The following PRKN variants were observed in gnomAD, a reference collection of about 807,000 sequenced individuals.
The protein encoded by PRKN is parkin RBR E3 ubiquitin protein ligase.
A neutral mutation model predicts 59.5 loss-of-function variants in PRKN; 56 were observed. That is an observed-to-expected ratio of 0.94 (90% CI 0.76 to 1.18). The LOEUF (loss-of-function observed/expected upper bound fraction) is 1.18, where lower values mean the gene tolerates loss of function less well. Among genes scored for constraint, PRKN ranks in the 50% most tolerant of loss-of-function variants. PRKN has a pLI of 0.00. For missense variants in PRKN, 657 were observed against 596.4 expected, an observed-to-expected ratio of 1.10 and a Z score of -1.06; for synonymous variants, 250 against 222.1, an observed-to-expected ratio of 1.13 and a Z score of -1.12.
intron 7 of PRKN, among the ~76,000 whole-genome samples, chr6:161,598,691 T>C (rs971701657): frequency 6.6e-6 from 1 of 152,366 alleles, no homozygotes; most frequent in South Asian, 2.1e-4. Flanking sequence ...AAGCATAAGA[T>C]ACAGGATATT....
chr6:161,888,228 AT>A (rs34091665), intron 6 of PRKN, among the ~76,000 whole-genome samples: 2 of 152,050 alleles, frequency 1.3e-5, no homozygotes, highest in Non-Finnish European at 2.9e-5. Flanking sequence ...TGGGGGTATT[AT>A]TTTTGCTCAT....
chr6:162,301,783 CGGGGG>C (rs369993772), intron 2 of PRKN, among the ~76,000 whole-genome samples: 1 of 21,800 alleles, frequency 4.6e-5, no homozygotes, highest in African/African-American at 2.2e-4. Flanking sequence ...TTGGCCGGGG[CGGGGG>C]GGGGGTGCAG....
intron 2 of PRKN, among the ~76,000 whole-genome samples, chr6:162,329,915 G>A (rs1402747916): frequency 3.9e-5 from 6 of 152,010 alleles, no homozygotes; most frequent in South Asian, 2.1e-4. Flanking sequence ...TCATCTTGTC[G>A]GCCTATCAGA....
At chr6:161,704,359 C>A (rs1191849475) in intron 7 of PRKN, among the ~76,000 whole-genome samples, 1 of 152,106 alleles carries the variant, frequency 6.6e-6, no homozygotes, top group Admixed American at 6.5e-5. Context: ...GCTAACTAAC[C>A]TAATTTCCCC....
chr6:162,695,881 C>T (rs1339459164), intron 1 of PRKN, among the ~76,000 whole-genome samples: 3 of 152,136 alleles, frequency 2.0e-5, no homozygotes, highest in African/African-American at 4.8e-5. Context: ...GTTTGGAGTC[C>T]GAGAAGCTAG....
rs1467161410 is a variant in PRKN at position 161,460,122 on chromosome 6, A to G, written c.1084-73245T>C. On this transcript the variant is annotated intron_variant, in intron 9 of 11. Transcript: ENST00000366898. The surrounding 1 kb of genome is among the most constrained non-coding windows in gnomAD (Gnocchi z 5.0). ...TACGAACAAATATAAACAGCAATTG[A>G]TCCTACCCTCAATAAGTCATCTGCT... 1.3e-5 allele frequency among the ~76,000 whole-genome samples: 2 copies of G among 152,242 alleles called. No homozygotes were observed. The highest frequency in any genetic ancestry group is 6.5e-5 in the Admixed American group (1 of 15,290).
chr6:162,458,123 A>G (rs919733221), intron 1 of PRKN, among the ~76,000 whole-genome samples: 14 of 149,762 alleles, frequency 9.3e-5, no homozygotes, highest in African/African-American at 2.9e-4. Flanking sequence ...GCGTGGTGGC[A>G]CACACCTGTA....
chr6:161,616,040 T>C lies in PRKN; in HGVS notation c.872-46624A>G, dbSNP rs574071263. Among the ~76,000 whole-genome samples the C allele has an allele frequency of 1.9e-4, 29 of 152,216 alleles. No homozygotes were observed. The South Asian group carries it at 5.2e-3, about 27-fold the overall frequency. ...CCGTCTCTCTTCTGGCCGCTCTCTC[T>C]CCCCAGCCCTCCTCCTAGCTACCAC... On this transcript the variant is annotated intron_variant, in intron 7 of 11. Transcript: ENST00000366898.
intron 4 of PRKN, among the ~76,000 whole-genome samples, chr6:162,071,672 C>G (rs1189441947): frequency 2.0e-5 from 3 of 151,030 alleles, no homozygotes. Flanking sequence ...TCCTGGCAAA[C>G]TGCAACCTCT....
chr6:162,250,716 C>A (rs574274129), intron 3 of PRKN, among the ~76,000 whole-genome samples: 6 of 152,290 alleles, frequency 3.9e-5, no homozygotes, highest in Admixed American at 6.5e-5. Flanking sequence ...AATGCATCTC[C>A]AATTATTGTC....
chr6:161,620,449 C>T lies in PRKN; in HGVS notation c.872-51033G>A, dbSNP rs13194597. 1.2e-4 allele frequency among the ~76,000 whole-genome samples: 18 copies of T among 152,242 alleles called. No individual in the cohort carries two copies. In the South Asian group the frequency reaches 3.7e-3, roughly 32 times the overall value. ...ATTCTGTAAAATTTCTCGACCTGAA[C>T]CTTGGTAGTTCCTCTCACTGAATTG... On this transcript the variant is annotated intron_variant, in intron 7 of 11. Coordinates refer to ENST00000366898, the MANE Select transcript of PRKN (RefSeq NM_004562.3).
At chr6:162,000,286 T>C in intron 5 of PRKN, among the ~76,000 whole-genome samples, 1 of 152,166 alleles carries the variant, frequency 6.6e-6, no homozygotes, top group East Asian at 1.9e-4. Context: ...TTTTTCTTGA[T>C]TCCCATACTC....
chr6:162,581,846 G>A (rs1289791802), intron 1 of PRKN, among the ~76,000 whole-genome samples: 2 of 152,124 alleles, frequency 1.3e-5, no homozygotes, highest in African/African-American at 4.8e-5. Flanking sequence ...TGAACTATCT[G>A]CACATTTTCC....
intron 4 of PRKN, among the ~76,000 whole-genome samples, chr6:162,140,137 T>C (rs904879748): frequency 6.6e-6 from 1 of 152,230 alleles, no homozygotes; most frequent in Admixed American, 6.5e-5. Context: ...CTTGATAATA[T>C]GATTCTGAAC....
At chr6:161,904,895 A>G (rs1778085233) in intron 6 of PRKN, among the ~76,000 whole-genome samples, 1 of 152,090 alleles carries the variant, frequency 6.6e-6, no homozygotes, top group Non-Finnish European at 1.5e-5. Flanking sequence ...TCAGGATAGG[A>G]CTGCAGCCGT....
chr6:161,954,423 C>G (rs1780097987), intron 6 of PRKN, among the ~76,000 whole-genome samples: 1 of 152,204 alleles, frequency 6.6e-6, no homozygotes, highest in Non-Finnish European at 1.5e-5. Flanking sequence ...TAGTAAGGTT[C>G]TCTTTGGCCT....
At chr6:162,285,214 C>A (rs936131161) in intron 2 of PRKN, among the ~76,000 whole-genome samples, 1 of 149,552 alleles carries the variant, frequency 6.7e-6, no homozygotes, top group African/African-American at 2.5e-5. Context: ...TGGTCCCTCT[C>A]GAATTCTATA....
intron 6 of PRKN, among the ~76,000 whole-genome samples, chr6:161,953,593 C>T (rs933462688): frequency 1.1e-4 from 16 of 152,154 alleles, no homozygotes; most frequent in African/African-American, 3.4e-4. Flanking sequence ...AGCACAACCA[C>T]GTCCCTGAAC....
intron 1 of PRKN, among the ~76,000 whole-genome samples, chr6:162,619,839 T>C (rs576786245): frequency 6.6e-6 from 1 of 152,300 alleles, no homozygotes; most frequent in African/African-American, 2.4e-5. Flanking sequence ...ATGGACATCT[T>C]TGATAAAGGC....
Sources: gnomAD v4.1 joint callset for allele counts (sites outside exome capture counted in the v4.1 genomes callset) on GRCh38, gnomAD v4.1.1 for gene constraint, Gnocchi (gnomAD v3.1) non-coding constraint, MANE v1.5 for transcripts, NCBI Gene and HGNC (gene_info 2026-07-23, HGNC 2026-07-21) for gene names.